Variants in ZNF652 observed in about 807,000 individuals in gnomAD.
ZNF652 encodes zinc finger protein 652.
Under a neutral mutation model 45.2 loss-of-function variants are expected in ZNF652, and 16 were observed. The ratio of observed to expected loss-of-function variants is 0.35; its 90% CI spans 0.24 to 0.54. The LOEUF (loss-of-function observed/expected upper bound fraction) is 0.54. Among genes scored for constraint, ZNF652 ranks in the 20% least tolerant of loss-of-function variants. ZNF652 has a pLI of 0.91. For synonymous variants in ZNF652, 250 were observed against 260.6 expected, an observed-to-expected ratio of 0.96 and a Z score of 0.39; for missense variants, 614 against 765.6, an observed-to-expected ratio of 0.80 and a Z score of 2.34.
At chr17:49,299,015 T>C in intron 5 of ZNF652, 91 bp from the exon 6 acceptor site, 1 of 1,342,768 alleles carries the variant, frequency 7.4e-7, no homozygotes, top group Non-Finnish European at 9.9e-7. Context: ...GGGGTCTCAC[T>C]ATGTTGATCA....
intron 1 of ZNF652, among the ~76,000 whole-genome samples, chr17:49,353,014 A>G (rs1009677475): frequency 2.0e-5 from 3 of 152,194 alleles, no homozygotes; most frequent in African/African-American, 7.2e-5. Flanking sequence ...ATCTGGAGTG[A>G]TGGAACTGTT....
chr17:49,333,060 A>G (rs551190249), intron 1 of ZNF652, among the ~76,000 whole-genome samples: 29 of 151,720 alleles, frequency 1.9e-4, no homozygotes, highest in Non-Finnish European at 3.2e-4. Flanking sequence ...ATAAAATAAA[A>G]TAATTTTTTT....
intron 5 of ZNF652, among the ~76,000 whole-genome samples, chr17:49,308,878 GT>G (rs2069668874): frequency 1.3e-5 from 2 of 151,420 alleles, no homozygotes; most frequent in South Asian, 4.2e-4. Context: ...GAAGTATTCA[GT>G]TTGCCTATTT....
chr17:49,360,070 T>TTTTGACTCTAGTTTTAAC (rs1368427747), intron 1 of ZNF652, among the ~76,000 whole-genome samples: 1 of 152,210 alleles, frequency 6.6e-6, no homozygotes, highest in Non-Finnish European at 1.5e-5. Flanking sequence ...AAACAAATTA[T>TTTTGACTCTAGTTTTAAC]TTTGACTCTA....
chr17:49,298,917 T>C lies in ZNF652; in HGVS notation c.1317A>G (p.Lys439=), dbSNP rs753686353. The change falls in exon 6 of 6, where the codon AAA becomes AAG. Residue 439 remains lysine, a synonymous_variant. Coordinates refer to ENST00000430262, the MANE Select transcript of ZNF652 (RefSeq NM_001145365.3). Reference sequence around the variant, plus strand: ...TGCCACAGATTTCACAGATAAAGGGTTTCTCTCCTGAGATGAACACAGACA... The same window carrying C: ...TGCCACAGATTTCACAGATAAAGGGCTTCTCTCCTGAGATGAACACAGACA... ...DEHMKTHTGE[K]PFICEICGKS... is the part of the protein sequence containing the mutation. The C allele has an allele frequency of 5.0e-6, 8 of 1,609,290 alleles. No homozygotes were observed. The South Asian group carries it at 8.8e-5, about 18-fold the overall frequency.
At chr17:49,354,625 A>AAAAAAC (rs1254848572) in intron 1 of ZNF652, among the ~76,000 whole-genome samples, 1 of 151,144 alleles carries the variant, frequency 6.6e-6, no homozygotes, top group African/African-American at 2.5e-5. Flanking sequence ...AAAAAAAACA[A>AAAAAAC]AAAAACAAAA....
intron 1 of ZNF652, among the ~76,000 whole-genome samples, chr17:49,358,144 A>T (rs2070356947): frequency 6.6e-6 from 1 of 152,234 alleles, no homozygotes; most frequent in Admixed American, 6.5e-5. Flanking sequence ...TGCTGAGGAA[A>T]CTGAGGCCAG....
At position 49,317,026 on chromosome 17, in the gene ZNF652, C is replaced by G; in HGVS notation, c.700G>C (p.Val234Leu). The G allele has an allele frequency of 6.2e-7, 1 of 1,614,222 alleles. No homozygotes were observed. The highest frequency in any genetic ancestry group is 1.1e-5 in the South Asian group (1 of 91,080). ...KRATKEPKAP[V>L]QKAKCEEKET... ...TTCTCTTCACACTTAGCTTTCTGGA[C>G]TGGTGCTTTGGGCTCCTTTGTGGCC... The change falls in exon 2 of 6, where the codon GTC becomes CTC. Residue 234 changes from valine (V) to leucine (L), a missense_variant. This residue lies in a region of ZNF652 where 262 missense variants were observed against 306.3 expected (regional missense o/e 0.86). Coordinates refer to ENST00000430262, the MANE Select transcript of ZNF652 (RefSeq NM_001145365.3).
rs1380720253 is a variant in ZNF652 at position 49,289,464 on chromosome 17, A to G, written c.*8949T>C. The stretch of plus-strand genomic sequence containing the variant: ...GTGCATTTCAATTGCTAAAAAAATA[A>G]TATCGGTATAGTTAACACAAGGGGG... On this transcript the variant is annotated 3_prime_UTR_variant, in exon 6 of 6. Coordinates refer to ENST00000430262, the MANE Select transcript of ZNF652 (RefSeq NM_001145365.3). 1 of 152,254 alleles carries G rather than the reference A, an allele frequency of 6.6e-6. No individual in the cohort carries two copies. The highest frequency in any genetic ancestry group is 1.5e-5 in the Non-Finnish European group (1 of 68,056). 9.4% of individuals were successfully genotyped at this position (152,254 alleles called of 1,614,324 possible). A position where few individuals can be genotyped will look rare whatever the true frequency, so the allele number is the denominator to read the frequency against.
chr17:49,327,735 ATATATATATATATATAT>A, intron 1 of ZNF652, among the ~76,000 whole-genome samples: 1 of 4,926 alleles, frequency 2.0e-4, no homozygotes, highest in South Asian at 5.9e-3. Flanking sequence ...AAATAAATAT[ATATATATATATATATAT>A]ATATATATAT....
chr17:49,313,548 T>C (rs2069748622), intron 2 of ZNF652, among the ~76,000 whole-genome samples: 1 of 152,174 alleles, frequency 6.6e-6, no homozygotes, highest in African/African-American at 2.4e-5. Context: ...CCACATCAGT[T>C]AGTAAGGTTT....
chr17:49,351,312 C>G (rs186826381), intron 1 of ZNF652, among the ~76,000 whole-genome samples: 1 of 151,614 alleles, frequency 6.6e-6, no homozygotes, highest in Non-Finnish European at 1.5e-5. Context: ...TTTTCCTAAC[C>G]GTGAAACGTG....
chr17:49,299,698 C>T (rs1236697461), intron 5 of ZNF652, among the ~76,000 whole-genome samples: 2 of 151,958 alleles, frequency 1.3e-5, no homozygotes, highest in African/African-American at 4.8e-5. Flanking sequence ...CTTTTTTAAA[C>T]AGGATCTTGC....
intron 1 of ZNF652, among the ~76,000 whole-genome samples, chr17:49,321,287 A>G (rs2069888105): frequency 6.6e-6 from 1 of 151,806 alleles, no homozygotes; most frequent in Non-Finnish European, 1.5e-5. Flanking sequence ...GTTTTGAGAC[A>G]GAATCTCACT....
At position 49,304,055 on chromosome 17, in the gene ZNF652, A is replaced by ATTTTTT. The variant is rs58790188; in HGVS notation, c.1310-5137_1310-5132dup. 7.3e-4 allele frequency among the ~76,000 whole-genome samples: 86 copies of ATTTTTT among 117,390 alleles called. 2 individuals are homozygous for ATTTTTT. The highest frequency in any genetic ancestry group is 1.4e-3 in the Admixed American group (15 of 10,422). 77.0% of individuals were successfully genotyped at this position (117,390 alleles called of 152,430 possible). On this transcript the variant is annotated intron_variant, in intron 5 of 5. Transcript: ENST00000430262. ...AGGCGCCCGCCACCATGCCTGGCTA[A>ATTTTTT]TTTTTTTTTTTTTTTTTTGTATTTT...
At chr17:49,334,583 A>C (rs1047557731) in intron 1 of ZNF652, among the ~76,000 whole-genome samples, 2 of 152,170 alleles carry the variant, frequency 1.3e-5, no homozygotes, top group African/African-American at 4.8e-5. Flanking sequence ...GTTCGAGACC[A>C]GCGTGGGCAA....
chr17:49,323,446 T>C (rs1272325397), intron 1 of ZNF652, among the ~76,000 whole-genome samples: 1 of 152,250 alleles, frequency 6.6e-6, no homozygotes, highest in Non-Finnish European at 1.5e-5. Flanking sequence ...AGGCTTGGAA[T>C]CAACTCCTCT....
At chr17:49,341,239 G>T (rs1469013580) in intron 1 of ZNF652, among the ~76,000 whole-genome samples, 2 of 150,992 alleles carry the variant, frequency 1.3e-5, no homozygotes, top group Non-Finnish European at 3.0e-5. Context: ...AAGAAGAAAA[G>T]AAAAGAAAAA....
chr17:49,309,906 T>C (rs1383888811), intron 5 of ZNF652, among the ~76,000 whole-genome samples: 1 of 152,052 alleles, frequency 6.6e-6, no homozygotes, highest in African/African-American at 2.4e-5. Context: ...CAGAATTTCC[T>C]CACCACTAGT....
Sources: gnomAD v4.1 joint callset for allele counts (sites outside exome capture counted in the v4.1 genomes callset) on GRCh38, gnomAD v4.1.1 for gene constraint, gnomAD v4.1.1 regional missense constraint, MANE v1.5 for transcripts, NCBI Gene and HGNC (gene_info 2026-07-23, HGNC 2026-07-21) for gene names.